The following USP12 variants were observed in gnomAD, a reference collection of about 807,000 sequenced individuals.
The protein encoded by USP12 is ubiquitin carboxyl-terminal hydrolase 12.
Under a neutral mutation model 45.5 loss-of-function variants are expected in USP12, and 19 were observed. The observed-to-expected ratio is 0.42, with a 90% confidence interval of 0.29 to 0.61. The LOEUF (loss-of-function observed/expected upper bound fraction) is 0.61. Among genes scored for constraint, USP12 ranks in the 20% least tolerant of loss-of-function variants. The pLI is 0.22. For missense variants in USP12, 242 were observed against 447.7 expected (o/e 0.54, Z 4.15); for synonymous variants, 149 against 148.8 (o/e 1.00, Z -0.01).
Position 27,129,163 on chromosome 13 carries a change from GAA to G in USP12, c.49-12569_49-12568del, listed in dbSNP as rs60432004. 0.77 allele frequency among the ~76,000 whole-genome samples: 117,570 copies of G among 151,928 alleles called. 48,548 individuals are homozygous for G. The highest frequency in any genetic ancestry group is 0.95 in the South Asian group (4,592 of 4,832). On this transcript the variant is annotated intron_variant, in intron 1 of 8. Transcript: ENST00000282344. The surrounding 1 kb of genome is among the most constrained non-coding windows in gnomAD (Gnocchi z 4.0). ...GAGTTCTTCATTCTTACCACAATAA[GAA>G]AGTGACCTGTAGCTCTTTCCGTGTC...
At chr13:27,092,320 C>T (rs1400063936) in intron 4 of USP12, among the ~76,000 whole-genome samples, 1 of 152,144 alleles carries the variant, frequency 6.6e-6, no homozygotes, top group Non-Finnish European at 1.5e-5. Context: ...TCAGCAAAAT[C>T]CTTATCAAAA....
intron 1 of USP12, among the ~76,000 whole-genome samples, chr13:27,147,108 A>G (rs1011183697): frequency 1.3e-5 from 2 of 152,144 alleles, no homozygotes; most frequent in African/African-American, 4.8e-5. Context: ...TTGTAAGATG[A>G]CCAATGTCTG....
chr13:27,158,290 C>G (rs1877930132), intron 1 of USP12, among the ~76,000 whole-genome samples: 1 of 152,148 alleles, frequency 6.6e-6, no homozygotes, highest in Non-Finnish European at 1.5e-5. Flanking sequence ...TGCCAGAAAA[C>G]CACCAGTAGC....
intron 3 of USP12, 112 bp from the exon 4 acceptor site, chr13:27,095,942 A>C: frequency 2.7e-6 from 2 of 739,062 alleles, no homozygotes; most frequent in South Asian, 5.5e-5. Flanking sequence ...ATAAATGCAC[A>C]ATGTTTTTGT....
intron 3 of USP12, among the ~76,000 whole-genome samples, chr13:27,097,785 T>C (rs1335957817): frequency 6.6e-6 from 1 of 152,138 alleles, no homozygotes; most frequent in African/African-American, 2.4e-5. Context: ...ACAGTAACAA[T>C]ATTGGCAATA....
chr13:27,165,298 T>G (rs1878302338), intron 1 of USP12, among the ~76,000 whole-genome samples: 1 of 152,186 alleles, frequency 6.6e-6, no homozygotes, highest in Admixed American at 6.5e-5. Flanking sequence ...TATTATGAAT[T>G]AATCCACTCA....
chr13:27,153,745 A>G (rs1035631979), intron 1 of USP12, among the ~76,000 whole-genome samples: 1 of 152,124 alleles, frequency 6.6e-6, no homozygotes, highest in Non-Finnish European at 1.5e-5. Flanking sequence ...CTCATACCTA[A>G]CAGTTCACCT....
At chr13:27,087,173 C>G (rs905497889) in intron 6 of USP12, among the ~76,000 whole-genome samples, 12 of 149,592 alleles carry the variant, frequency 8.0e-5, no homozygotes, top group African/African-American at 3.0e-4. Context: ...ATACAGGGAG[C>G]GGGGGCAGGA....
intron 1 of USP12, among the ~76,000 whole-genome samples, chr13:27,171,007 T>A (rs1388068500): frequency 6.6e-6 from 1 of 152,050 alleles, no homozygotes; most frequent in African/African-American, 2.4e-5. Flanking sequence ...CGCGAGGAAA[T>A]CTGCACTTGA....
chr13:27,075,997 T>A (rs1196769509), intron 6 of USP12, among the ~76,000 whole-genome samples: 1 of 132,330 alleles, frequency 7.6e-6, no homozygotes, highest in Non-Finnish European at 1.5e-5. Context: ...GCCACTGCAC[T>A]CCAGCCTGGG....
At chr13:27,097,128 T>C (rs1874619830) in intron 3 of USP12, among the ~76,000 whole-genome samples, 1 of 144,402 alleles carries the variant, frequency 6.9e-6, no homozygotes, top group Non-Finnish European at 1.5e-5. Context: ...ATCAAAAGGC[T>C]AAAAAACATG....
At chr13:27,171,318 C>A (rs1265664627) in intron 1 of USP12, among the ~76,000 whole-genome samples, 2 of 149,298 alleles carry the variant, frequency 1.3e-5, no homozygotes, top group African/African-American at 2.4e-5. Context: ...GCCCGCCCGA[C>A]GCCGCGTCTG....
intron 1 of USP12, among the ~76,000 whole-genome samples, chr13:27,161,288 G>A (rs1878096551): frequency 6.6e-6 from 1 of 152,186 alleles, no homozygotes; most frequent in Non-Finnish European, 1.5e-5. Flanking sequence ...TTTGGACTAA[G>A]ATAATCACAT....
At chr13:27,079,984 CAG>C (rs932585763) in intron 6 of USP12, among the ~76,000 whole-genome samples, 16 of 152,140 alleles carry the variant, frequency 1.1e-4, no homozygotes, top group Non-Finnish European at 2.2e-4. Flanking sequence ...TAAGGTGACT[CAG>C]TGAGATATAA....
chr13:27,080,943 G>A (rs1040693035), intron 6 of USP12, among the ~76,000 whole-genome samples: 1 of 151,816 alleles, frequency 6.6e-6, no homozygotes, highest in Admixed American at 6.6e-5. Flanking sequence ...GGAGGGTCTT[G>A]CCTCAAGGAT....
chr13:27,134,284 G>A lies in USP12; in HGVS notation c.49-17688C>T, dbSNP rs114341473. 5.7e-3 allele frequency among the ~76,000 whole-genome samples: 870 copies of A among 152,266 alleles called. 8 individuals carry two copies. Among genetic ancestry groups the A allele is most frequent in the African/African-American group, 0.02 (819 of 41,558 alleles). On this transcript the variant is annotated intron_variant, in intron 1 of 8. Transcript: ENST00000282344. ...GGAGAAAGGTAGCATAAAAGAAAGC[G>A]TTTTGATCAAAAGCAGTTCAATTTC...
chr13:27,111,116 T>C (rs948736696), intron 2 of USP12, among the ~76,000 whole-genome samples: 4 of 152,324 alleles, frequency 2.6e-5, no homozygotes, highest in African/African-American at 4.8e-5. Context: ...TAATCAATTC[T>C]CTGAGGCCTG....
At chr13:27,154,660 C>T (rs573031665) in intron 1 of USP12, among the ~76,000 whole-genome samples, 8 of 152,102 alleles carry the variant, frequency 5.3e-5, no homozygotes, top group East Asian at 1.9e-4. Context: ...AAAACGTGGA[C>T]GCATTGTGGT....
intron 1 of USP12, among the ~76,000 whole-genome samples, chr13:27,145,604 A>G (rs981105440): frequency 4.6e-5 from 7 of 152,204 alleles, no homozygotes; most frequent in Non-Finnish European, 8.8e-5. Context: ...GAATCTGCTC[A>G]TCACTGTGAA....
Sources: allele counts gnomAD v4.1 joint callset (sites outside exome capture counted in the v4.1 genomes callset), GRCh38; gene constraint gnomAD v4.1.1; non-coding constraint Gnocchi (gnomAD v3.1); transcripts MANE v1.5; gene names NCBI Gene and HGNC (gene_info 2026-07-23, HGNC 2026-07-21).